Variants in EHMT2 observed in about 807,000 individuals in gnomAD.
EHMT2 encodes the protein histone-lysine N-methyltransferase EHMT2.
A neutral mutation model predicts 143.3 loss-of-function variants in EHMT2; 59 were observed. The ratio of observed to expected loss-of-function variants is 0.41; its 90% CI spans 0.33 to 0.51. EHMT2 has a LOEUF of 0.51. Ranked by LOEUF, EHMT2 falls within the 20% of genes least tolerant of loss-of-function variation. The pLI is 0.18. For missense variants in EHMT2, 1,174 were observed against 1,645.9 expected, an observed-to-expected ratio of 0.71 and a Z score of 4.96; for synonymous variants, 604 against 651.5, an observed-to-expected ratio of 0.93 and a Z score of 1.11.
At chr6:31,896,123 G>C in intron 4 of EHMT2, 140 bp downstream of exon 4, 1 of 1,237,304 alleles carries the variant, frequency 8.1e-7, no homozygotes, top group Non-Finnish European at 1.1e-6. Flanking sequence ...CACAGATCAA[G>C]CACAGCCTAA....
intron 2 of EHMT2, 25 bp downstream of exon 2, chr6:31,896,898 T>G (rs1379529048): frequency 6.2e-7 from 1 of 1,610,294 alleles, no homozygotes; most frequent in African/African-American, 1.3e-5. Context: ...ACGGTCCAAT[T>G]GGGGCCCGTT....
Position 31,883,797 on chromosome 6 carries a change from C to T in EHMT2, c.2916+9G>A. 2 of 1,613,172 alleles carry T rather than the reference C, an allele frequency of 1.2e-6. No individual in the cohort carries two copies. The highest frequency in any genetic ancestry group is 1.7e-6 in the Non-Finnish European group (2 of 1,179,598). ...GTCCTTTTGGGGAGGCCCCGGGCCC[C>T]CTACTCACCTGCAGGTGGGTGATGT... On this transcript the variant is annotated intron_variant, in intron 22 of 27. Coordinates refer to ENST00000375537, the Ensembl canonical transcript of EHMT2. The surrounding 1 kb of genome is among the most constrained non-coding windows in gnomAD (Gnocchi z 5.6).
exon 4 of EHMT2, chr6:31,896,294 C>T: frequency 6.2e-7 from 1 of 1,612,624 alleles, no homozygotes; most frequent in Non-Finnish European, 8.5e-7. Context: ...CATGGTTTTG[C>T]GGGCTCGGTG....
chr6:31,885,894 C>G (rs1305935804), intron 18 of EHMT2: 2 of 152,086 alleles, frequency 1.3e-5, no homozygotes, highest in Non-Finnish European at 2.9e-5. Flanking sequence ...CAAGATCAGC[C>G]TGGCCAATAT....
rs766146314 is a variant in EHMT2, at chr6:31,880,221, A to G, written c.3496T>C (p.Phe1166Leu). 1 of 1,612,916 alleles carries G rather than the reference A, an allele frequency of 6.2e-7. No homozygotes were observed. Among genetic ancestry groups the G allele is most frequent in the Non-Finnish European group, 8.5e-7 (1 of 1,179,946 alleles). The change falls in exon 28 of 28, where the codon TTC (phenylalanine) becomes CTC (leucine). Residue 1166 changes from phenylalanine (F) to leucine (L), a missense_variant. Phe to Leu is a conservative substitution (Grantham distance 22, BLOSUM62 0). Transcript: ENST00000375537. This position sits in a 1 kb window ranked among gnomAD's most constrained non-coding sequence, Gnocchi z 6.6. ...TTCTCAGAGCCACATTGGCAGGTGA[A>G]ATATTTGCTTTTGATGTCCCAGAAG...
Position 31,889,151 on chromosome 6 carries a change from G to A in EHMT2, c.1114+77C>T. 6.5e-7 allele frequency: 1 copy of A among 1,530,008 alleles called. No individual in the cohort carries two copies. 94.8% of individuals were successfully genotyped at this position (1,530,008 alleles called of 1,614,324 possible). On this transcript the variant is annotated intron_variant, in intron 9 of 27. Transcript: ENST00000375537. This position sits in a 1 kb window ranked among gnomAD's most constrained non-coding sequence, Gnocchi z 5.1. ...GGTACATGCAGGTGGACATGCGAGA[G>A]CGTGTGTGTGCGTGCACACACTCTG...
chr6:31,896,240 C>T, intron 4 of EHMT2, 23 bp downstream of exon 4: 2 of 1,592,480 alleles, frequency 1.3e-6, no homozygotes, highest in South Asian at 1.1e-5. Context: ...GGTTGATTAT[C>T]CCATCTCTCC....
Position 31,884,228 on chromosome 6 carries a change from G to T in EHMT2, c.2771+164C>A. ...AACTGGGTGTCTTCTATTTTTATTT[G>T]CTGTATCTGGCAACCCTAGTGGGGA... On this transcript the variant is annotated intron_variant, in intron 21 of 27. Transcript: ENST00000375537. This position sits in a 1 kb window ranked among gnomAD's most constrained non-coding sequence, Gnocchi z 7.3. 1 of 816,442 alleles carries T rather than the reference G, an allele frequency of 1.2e-6. No individual in the cohort carries two copies. Among genetic ancestry groups the T allele is most frequent in the Non-Finnish European group, 1.9e-6 (1 of 536,724 alleles). 50.6% of individuals were successfully genotyped at this position (816,442 alleles called of 1,614,324 possible).
chr6:31,889,245 C>A lies in EHMT2; in HGVS notation c.1097G>T (p.Arg366Leu). 2 of 1,609,328 alleles carry A rather than the reference C, an allele frequency of 1.2e-6. No individual in the cohort carries two copies. Among genetic ancestry groups the A allele is most frequent in the African/African-American group, 1.3e-5 (1 of 74,954 alleles). ...CTCCTCACCTCGTGGCTCCTTGGCCCGCGGAGGCTCCCGCTTGCGCCGTTT... is the reference window on the plus strand; with the variant it reads ...CTCCTCACCTCGTGGCTCCTTGGCCAGCGGAGGCTCCCGCTTGCGCCGTTT... The change falls in exon 9 of 28, where the codon CGG (arginine) becomes CTG (leucine). Residue 366 changes from arginine (R) to leucine (L), a missense_variant. This residue lies in a region of EHMT2 where 608 missense variants were observed against 903.7 expected (regional missense o/e 0.67). Coordinates refer to ENST00000375537, the Ensembl canonical transcript of EHMT2. The surrounding 1 kb of genome is among the most constrained non-coding windows in gnomAD (Gnocchi z 5.1).
At chr6:31,895,545 C>G (rs181690878) in intron 4 of EHMT2, 1 of 151,908 alleles carries the variant, frequency 6.6e-6, no homozygotes, top group Non-Finnish European at 1.5e-5. Flanking sequence ...CCTGTAATCC[C>G]AGCACTTTGC....
At chr6:31,896,545 T>C in intron 3 of EHMT2, 29 bp from the exon 4 acceptor site, 3 of 1,609,646 alleles carry the variant, frequency 1.9e-6, no homozygotes, top group South Asian at 1.1e-5. Flanking sequence ...AAAGGCAAGA[T>C]AAGAAAGAAG....
At chr6:31,897,114 C>T in intron 1 of EHMT2, 125 bp from the exon 2 acceptor site, 1 of 1,422,852 alleles carries the variant, frequency 7.0e-7, no homozygotes, top group Non-Finnish European at 9.2e-7. Flanking sequence ...GTGGGGCCCC[C>T]CCCTTCCGCG....
In EHMT2 at chr6:31,883,189, G is replaced by A. The variant is rs1764340323; in HGVS notation, c.2994+173C>T. On this transcript the variant is annotated intron_variant, in intron 23 of 27. Transcript: ENST00000375537. This position sits in a 1 kb window ranked among gnomAD's most constrained non-coding sequence, Gnocchi z 5.6. ...CTGGTTTGCATAGACCTGGGCACAC[G>A]CCCATCGCTGTCCCAGCCACATCCC... 5.9e-6 allele frequency: 5 copies of A among 854,308 alleles called. No individual in the cohort carries two copies. The highest frequency in any genetic ancestry group is 1.6e-5 in the South Asian group (1 of 61,736). 52.9% of individuals were successfully genotyped at this position (854,308 alleles called of 1,614,324 possible).
chr6:31,891,563 G>A (rs1765688320), intron 7 of EHMT2, among the ~76,000 whole-genome samples: 1 of 152,176 alleles, frequency 6.6e-6, no homozygotes, highest in Non-Finnish European at 1.5e-5. Flanking sequence ...GATAATGGCT[G>A]GAGCTGTGTA....
In EHMT2 at chr6:31,888,796, C is replaced by T. The variant is rs962617014; in HGVS notation, c.1217-49G>A. On this transcript the variant is annotated intron_variant, in intron 10 of 27. Coordinates refer to ENST00000375537, the Ensembl canonical transcript of EHMT2. This position sits in a 1 kb window ranked among gnomAD's most constrained non-coding sequence, Gnocchi z 7.4. ...TGAGGGAGGCTCTGCACCTCACCTA[C>T]TGGGACCCCTGGCGGGTCCTCTCAC... 7 of 1,599,144 alleles carry T rather than the reference C, an allele frequency of 4.4e-6. No individual in the cohort carries two copies. The highest frequency in any genetic ancestry group is 6.0e-6 in the Non-Finnish European group (7 of 1,174,744).
intron 15 of EHMT2, among the ~76,000 whole-genome samples, chr6:31,887,354 G>A (rs1765004821): frequency 6.6e-6 from 1 of 152,180 alleles, no homozygotes; most frequent in African/African-American, 2.4e-5. Flanking sequence ...TAACCTCTCT[G>A]TGCAAGCCAA....
In EHMT2 at chr6:31,884,326, G is replaced by A. The variant is rs1407686644; in HGVS notation, c.2771+66C>T. The A allele has an allele frequency of 1.4e-5, 21 of 1,538,150 alleles. No individual in the cohort carries two copies. Among genetic ancestry groups the A allele is most frequent in the Non-Finnish European group, 1.8e-5 (21 of 1,139,148 alleles). Reference sequence around the variant, plus strand: ...TTGGGGAATGTTGTGAGGATGCAATGGAGCCTGGGGAGGGTATGGGTGGGG... The same window carrying A: ...TTGGGGAATGTTGTGAGGATGCAATAGAGCCTGGGGAGGGTATGGGTGGGG... On this transcript the variant is annotated intron_variant, in intron 21 of 27. Transcript: ENST00000375537. This position sits in a 1 kb window ranked among gnomAD's most constrained non-coding sequence, Gnocchi z 7.3.
Position 31,889,092 on chromosome 6 carries a change from TGA to T in EHMT2, c.1115-24_1115-23del. On this transcript the variant is annotated intron_variant, in intron 9 of 27. Transcript: ENST00000375537. The surrounding 1 kb of genome is among the most constrained non-coding windows in gnomAD (Gnocchi z 5.1). The stretch of plus-strand genomic sequence containing the variant: ...ACTCCTGACACAGAGACAGAGAGAG[TGA>T]GAGTGCGAGCTCACAGGTGCCTGGA... The T allele has an allele frequency of 6.3e-7, 1 of 1,585,770 alleles. No homozygotes were observed. Among genetic ancestry groups the T allele is most frequent in the South Asian group, 1.1e-5 (1 of 87,364 alleles).
intron 7 of EHMT2, among the ~76,000 whole-genome samples, 168 bp downstream of exon 7, chr6:31,892,239 C>T (rs904347028): frequency 1.3e-5 from 2 of 152,014 alleles, no homozygotes; most frequent in Non-Finnish European, 2.9e-5. Context: ...GAGATTCCGT[C>T]TCCCCCCACA....
Sources: gnomAD v4.1 joint callset for allele counts (sites outside exome capture counted in the v4.1 genomes callset) on GRCh38, gnomAD v4.1.1 for gene constraint, gnomAD v4.1.1 regional missense constraint, Gnocchi (gnomAD v3.1) non-coding constraint, MANE v1.5 for transcripts, NCBI Gene and HGNC (gene_info 2026-07-23, HGNC 2026-07-21) for gene names.